Variants in SIRPG observed in about 807,000 individuals in gnomAD.
The protein encoded by SIRPG is signal regulatory protein gamma.
A neutral mutation model predicts 35.7 loss-of-function variants in SIRPG; 38 were observed. That is an observed-to-expected ratio of 1.06 (90% CI 0.82 to 1.40). The LOEUF is 1.40. Ranked by LOEUF, SIRPG falls within the 40% of genes most tolerant of loss-of-function variation. SIRPG has a pLI of 0.00. For synonymous variants in SIRPG, 215 were observed against 190.4 expected (o/e 1.13, Z -1.06); for missense variants, 519 against 483.0 (o/e 1.07, Z -0.70).
At chr20:1,663,419 G>A in the SIRPG span, among the ~76,000 whole-genome samples, 17 of 152,246 alleles carry the variant, frequency 1.1e-4, no homozygotes, top group Non-Finnish European at 2.4e-4. Flanking sequence ...AGGAAGGAGC[G>A]ATGGAGGTGA....
the SIRPG span, among the ~76,000 whole-genome samples, chr20:1,674,479 C>A: frequency 6.6e-6 from 1 of 152,176 alleles, no homozygotes; most frequent in Non-Finnish European, 1.5e-5. Context: ...CAGGTGCGGA[C>A]ACTGAGACTC....
intron 4 of SIRPG, among the ~76,000 whole-genome samples, chr20:1,632,597 T>C (rs2091760108): frequency 1.3e-5 from 2 of 152,034 alleles, no homozygotes; most frequent in South Asian, 4.1e-4. Context: ...TGGTGCAGTT[T>C]TACCTCCCTG....
intron 2 of SIRPG, among the ~76,000 whole-genome samples, chr20:1,641,990 C>T (rs1254327818): frequency 6.6e-6 from 1 of 152,150 alleles, no homozygotes; most frequent in Non-Finnish European, 1.5e-5. Context: ...TTTGCATTTG[C>T]TGAGGAGTGT....
At position 1,630,294 on chromosome 20, in the gene SIRPG, G is replaced by A. The variant is rs1178495642; in HGVS notation, c.1094C>T (p.Ser365Phe). 5.8e-6 allele frequency: 9 copies of A among 1,561,780 alleles called. No individual in the cohort carries two copies. The highest frequency in any genetic ancestry group is 6.9e-6 in the Non-Finnish European group (8 of 1,152,696). Residue 365 changes from serine (S) to phenylalanine (F), a missense_variant, in exon 5 of 6, where the codon TCC (serine) becomes TTC (phenylalanine). Coordinates refer to ENST00000303415, the MANE Select transcript of SIRPG (RefSeq NM_018556.4). ...SSDATPGPAS[S>F]LTALLLIAVL... ...AGCTATGAGGAGCAGCGCAGTAAGG[G>A]ATGATGCCGGGCCTGGAAATCAGGG...
At chr20:1,679,010 G>A in the SIRPG span, among the ~76,000 whole-genome samples, 1 of 152,190 alleles carries the variant, frequency 6.6e-6, no homozygotes, top group African/African-American at 2.4e-5. Context: ...ACACAAGGGA[G>A]AAATTAAGAT....
chr20:1,650,995 A>G (rs2091936938), intron 1 of SIRPG, among the ~76,000 whole-genome samples: 1 of 152,222 alleles, frequency 6.6e-6, no homozygotes, highest in Admixed American at 6.5e-5. Context: ...CCTGTCAACC[A>G]TGAATTCTAT....
upstream of SIRPG, among the ~76,000 whole-genome samples, chr20:1,660,857 T>C (rs546432055): frequency 2.6e-5 from 4 of 152,270 alleles, no homozygotes; most frequent in East Asian, 7.7e-4. Flanking sequence ...TGTAAGACTG[T>C]GGGCTTAAGA....
intron 4 of SIRPG, 123 bp downstream of exon 4, chr20:1,635,144 A>T: frequency 1.4e-6 from 1 of 722,338 alleles, no homozygotes; most frequent in East Asian, 2.7e-5. Flanking sequence ...ATTTGGGGGG[A>T]TGGAGCTGAC....
chr20:1,639,411 A>G (rs1475433017), intron 2 of SIRPG, among the ~76,000 whole-genome samples: 1 of 152,066 alleles, frequency 6.6e-6, no homozygotes, highest in Non-Finnish European at 1.5e-5. Flanking sequence ...TGGCCACATA[A>G]ATGTCTTCTT....
At chr20:1,655,769 G>A (rs892320770) in intron 1 of SIRPG, among the ~76,000 whole-genome samples, 2 of 151,960 alleles carry the variant, frequency 1.3e-5, no homozygotes, top group East Asian at 1.9e-4. Context: ...TTCTTAATAT[G>A]TTGTACATAA....
the SIRPG span, among the ~76,000 whole-genome samples, chr20:1,663,233 A>T: frequency 6.6e-6 from 1 of 152,194 alleles, no homozygotes; most frequent in South Asian, 2.1e-4. Flanking sequence ...GAATGGCGTG[A>T]ACCTGGGAGG....
intron 1 of SIRPG, among the ~76,000 whole-genome samples, chr20:1,657,210 A>C (rs1568741395): frequency 1.3e-5 from 2 of 152,162 alleles, no homozygotes; most frequent in African/African-American, 4.8e-5. Flanking sequence ...GAAAGAAAGA[A>C]AGTAAATGTC....
chr20:1,686,087 T>C, the SIRPG span, among the ~76,000 whole-genome samples: 1 of 152,208 alleles, frequency 6.6e-6, no homozygotes, highest in East Asian at 1.9e-4. Context: ...TCAAATGAAA[T>C]ATTATTTTTA....
chr20:1,646,846 C>T (rs892927644), intron 2 of SIRPG: 1 of 152,188 alleles, frequency 6.6e-6, no homozygotes, highest in Admixed American at 6.5e-5. Context: ...GGGGTTTCTC[C>T]ATGTTGGTTA....
chr20:1,655,538 G>A (rs1402294669), intron 1 of SIRPG, among the ~76,000 whole-genome samples: 1 of 152,028 alleles, frequency 6.6e-6, no homozygotes, highest in Non-Finnish European at 1.5e-5. Context: ...TGTAGTTGGG[G>A]AGATATTAGT....
the SIRPG span, among the ~76,000 whole-genome samples, chr20:1,685,613 T>C: frequency 6.6e-6 from 1 of 152,278 alleles, no homozygotes; most frequent in East Asian, 1.9e-4. Context: ...AGTACTTTGT[T>C]ATGCAAGCCC....
the SIRPG span, among the ~76,000 whole-genome samples, chr20:1,676,156 A>T: frequency 6.6e-6 from 1 of 152,172 alleles, no homozygotes; most frequent in Admixed American, 6.5e-5. Flanking sequence ...ATAACTGCAA[A>T]ATCAGGATAA....
chr20:1,641,558 G>A (rs1045798515), intron 2 of SIRPG, among the ~76,000 whole-genome samples: 2 of 152,068 alleles, frequency 1.3e-5, no homozygotes, highest in South Asian at 4.2e-4. Flanking sequence ...ACCAGCTTCT[G>A]GATTCATTGA....
At chr20:1,683,492 T>G in the SIRPG span, among the ~76,000 whole-genome samples, 1 of 152,198 alleles carries the variant, frequency 6.6e-6, no homozygotes, top group African/African-American at 2.4e-5. Context: ...GGAATCAACC[T>G]AAGTGTCTAT....
Sources: allele counts gnomAD v4.1 joint callset (sites outside exome capture counted in the v4.1 genomes callset), GRCh38; gene constraint gnomAD v4.1.1; transcripts MANE v1.5; gene names NCBI Gene and HGNC (gene_info 2026-07-23, HGNC 2026-07-21).